The following CUBN variants were observed in gnomAD, a reference collection of about 807,000 sequenced individuals.
CUBN encodes the protein cubilin, also known as 460 kDa receptor.
A neutral mutation model predicts 405.3 loss-of-function variants in CUBN; 282 were observed. That is an observed-to-expected ratio of 0.70 (90% CI 0.63 to 0.77). The LOEUF is 0.77. Among genes scored for constraint, CUBN ranks in the 30% least tolerant of loss-of-function variants. The probability of loss-of-function intolerance (pLI) is 0.00; values close to 1 mark genes in which losing one functional copy is unlikely to be tolerated. For synonymous variants in CUBN, 1,684 were observed against 1,617.0 expected, an observed-to-expected ratio of 1.04 and a Z score of -0.99; for missense variants, 4,514 against 4,475.2, an observed-to-expected ratio of 1.01 and a Z score of -0.25.
rs560706299 is a variant in CUBN, at chr10:17,105,697, C to T, written c.1112-122G>A. The T allele has an allele frequency of 3.3e-4, 226 of 692,066 alleles. 3 individuals are homozygous for T. The highest frequency in any genetic ancestry group is 3.1e-3 in the African/African-American group (175 of 56,660). The allele number at this position is 692,066 out of a possible 1,614,324, so 42.9% of individuals were successfully genotyped here. On this transcript the variant is annotated intron_variant, in intron 10 of 66. Coordinates refer to ENST00000377833, the MANE Select transcript of CUBN (RefSeq NM_001081.4). ...CCAACATCCAGTCTGTGTATTTTGA[C>T]GGGCAGACAAAACAAGGTATGAGGA...
intron 27 of CUBN, among the ~76,000 whole-genome samples, chr10:17,039,308 T>G (rs1397561197): frequency 6.6e-6 from 1 of 152,238 alleles, no homozygotes; most frequent in African/African-American, 2.4e-5. Flanking sequence ...AATTCAATCT[T>G]TCTCATTCAT....
intron 4 of CUBN, 65 bp downstream of exon 4, chr10:17,126,696 G>T: frequency 6.7e-7 from 1 of 1,497,784 alleles, no homozygotes; most frequent in Non-Finnish European, 9.3e-7. Flanking sequence ...AAGAATAGCA[G>T]CTCTATTAAT....
chr10:16,883,047 AGAAG>A (rs1002602079), intron 56 of CUBN, among the ~76,000 whole-genome samples: 5 of 151,808 alleles, frequency 3.3e-5, no homozygotes, highest in African/African-American at 1.2e-4. Flanking sequence ...GGAAGGAAAA[AGAAG>A]GAAGGAAGGA....
At chr10:17,035,813 A>T (rs1490590615) in intron 27 of CUBN, among the ~76,000 whole-genome samples, 1 of 151,448 alleles carries the variant, frequency 6.6e-6, no homozygotes, top group African/African-American at 2.4e-5. Flanking sequence ...GGACAGGGAA[A>T]CAGCAGGCAC....
At chr10:16,955,539 T>G (rs1429102253) in intron 31 of CUBN, among the ~76,000 whole-genome samples, 1 of 152,176 alleles carries the variant, frequency 6.6e-6, no homozygotes, top group Non-Finnish European at 1.5e-5. Context: ...TGTATTGATT[T>G]GTAAAATTTG....
At chr10:17,125,186 T>C (rs1837147138) in intron 4 of CUBN, among the ~76,000 whole-genome samples, 1 of 152,192 alleles carries the variant, frequency 6.6e-6, no homozygotes, top group African/African-American at 2.4e-5. Context: ...TTACATTTCA[T>C]ATATATGTAT....
At chr10:16,839,813 T>A (rs1839286162) in intron 62 of CUBN, among the ~76,000 whole-genome samples, 2 of 151,742 alleles carry the variant, frequency 1.3e-5, no homozygotes, top group African/African-American at 2.4e-5. Context: ...CTTGGAACCA[T>A]CCCAAATGTC....
At chr10:16,903,647 T>C (rs551226263) in intron 51 of CUBN, among the ~76,000 whole-genome samples, 96 of 147,608 alleles carry the variant, frequency 6.5e-4, no homozygotes, top group Admixed American at 2.6e-3. Context: ...AAATAATAAT[T>C]ATTATTAATA....
At chr10:17,061,347 A>C (rs1835501294) in intron 22 of CUBN, among the ~76,000 whole-genome samples, 1 of 152,114 alleles carries the variant, frequency 6.6e-6, no homozygotes, top group South Asian at 2.1e-4. Flanking sequence ...GCGAACAAGC[A>C]CCCTAGACCT....
At chr10:17,002,356 G>T (rs573337941) in intron 28 of CUBN, among the ~76,000 whole-genome samples, 3 of 152,294 alleles carry the variant, frequency 2.0e-5, no homozygotes, top group African/African-American at 7.2e-5. Context: ...AACACAAACA[G>T]AAGTTTCGAG....
chr10:16,923,696 G>C (rs780314741), intron 43 of CUBN, among the ~76,000 whole-genome samples: 1 of 152,180 alleles, frequency 6.6e-6, no homozygotes, highest in Admixed American at 6.5e-5. Context: ...AATAGAAGAG[G>C]TGCAATGTCA....
chr10:17,105,393 C>A, intron 11 of CUBN, 64 bp downstream of exon 11: 1 of 948,672 alleles, frequency 1.1e-6, no homozygotes, highest in Non-Finnish European at 1.8e-6. Context: ...TATAACGTTA[C>A]ATTTTATAGG....
chr10:17,040,962 G>A, intron 27 of CUBN, 71 bp downstream of exon 27: 1 of 1,439,744 alleles, frequency 6.9e-7, no homozygotes, highest in Non-Finnish European at 9.8e-7. Flanking sequence ...TAAAAAGCAT[G>A]ATGGATTCTA....
intron 28 of CUBN, among the ~76,000 whole-genome samples, chr10:17,014,876 G>T (rs751344205): frequency 7.9e-5 from 12 of 152,168 alleles, no homozygotes; most frequent in Non-Finnish European, 1.6e-4. Flanking sequence ...ATCCTCAAAG[G>T]CAAAGAGAAA....
intron 25 of CUBN, among the ~76,000 whole-genome samples, chr10:17,044,366 A>G (rs1401803352): frequency 2.0e-5 from 3 of 150,224 alleles, no homozygotes; most frequent in Non-Finnish European, 4.4e-5. Context: ...ATGAAATAAA[A>G]TAACCTTATA....
intron 1 of CUBN, 141 bp downstream of exon 1, chr10:17,129,503 C>G: frequency 8.8e-7 from 1 of 1,132,062 alleles, no homozygotes. Context: ...TTTCATACCT[C>G]AGTCTAAATG....
intron 14 of CUBN, 79 bp from the exon 15 acceptor site, chr10:17,088,424 A>G: frequency 8.2e-7 from 1 of 1,225,986 alleles, no homozygotes; most frequent in Non-Finnish European, 1.2e-6. Context: ...CCTTGGCGTA[A>G]GAAGCCAAAC....
intron 45 of CUBN, among the ~76,000 whole-genome samples, chr10:16,917,763 C>T (rs1201710058): frequency 1.3e-5 from 2 of 152,072 alleles, no homozygotes; most frequent in Non-Finnish European, 2.9e-5. Context: ...TAGTTTCAAA[C>T]ATTTACACTC....
chr10:16,886,519 T>C (rs1840819075), intron 56 of CUBN, among the ~76,000 whole-genome samples: 1 of 151,502 alleles, frequency 6.6e-6, no homozygotes, highest in African/African-American at 2.4e-5. Context: ...AAAATACCCA[T>C]CTATTTGAAG....
Sources: gnomAD v4.1 joint callset for allele counts (sites outside exome capture counted in the v4.1 genomes callset) on GRCh38, gnomAD v4.1.1 for gene constraint, MANE v1.5 for transcripts, NCBI Gene and HGNC (gene_info 2026-07-23, HGNC 2026-07-21) for gene names.